The following EFL1 variants were observed in gnomAD, a reference collection of about 807,000 sequenced individuals.
EFL1 encodes elongation factor-like GTPase 1.
EFL1 carries 76 observed loss-of-function variants against 126.7 expected under a neutral mutation model. The observed-to-expected ratio is 0.60, with a 90% CI of 0.50 to 0.73. The LOEUF is 0.73. Among genes scored for constraint, EFL1 ranks in the 30% least tolerant of loss-of-function variants. EFL1 has a pLI of 0.00. For missense variants in EFL1, 1,128 were observed against 1,343.2 expected (o/e 0.84, Z 2.50); for synonymous variants, 410 against 448.4 (o/e 0.91, Z 1.08).
At chr15:82,246,877 G>A (rs560633551) in intron 4 of EFL1, among the ~76,000 whole-genome samples, 43 of 152,250 alleles carry the variant, frequency 2.8e-4, no homozygotes, top group Non-Finnish European at 5.9e-4. Flanking sequence ...TGGGAAGAAT[G>A]AGCAAGACCT....
At chr15:82,257,277 T>C (rs1278196359) in intron 3 of EFL1, among the ~76,000 whole-genome samples, 1 of 152,230 alleles carries the variant, frequency 6.6e-6, no homozygotes, top group African/African-American at 2.4e-5. Context: ...TATTACCTTA[T>C]TAACTTCTGC....
intron 15 of EFL1, among the ~76,000 whole-genome samples, chr15:82,176,196 G>A (rs1235096268): frequency 1.3e-5 from 2 of 151,922 alleles, no homozygotes; most frequent in African/African-American, 2.4e-5. Context: ...AATGTCAGAC[G>A]GATTGCAGAT....
chr15:82,140,598 A>G (rs1247596164), intron 18 of EFL1, among the ~76,000 whole-genome samples: 1 of 151,778 alleles, frequency 6.6e-6, no homozygotes, highest in African/African-American at 2.4e-5. Flanking sequence ...TATGCTTGGG[A>G]CTCCTAAGGC....
chr15:82,221,265 A>C (rs2074709365), intron 12 of EFL1, among the ~76,000 whole-genome samples: 2 of 151,982 alleles, frequency 1.3e-5, no homozygotes, highest in African/African-American at 4.8e-5. Context: ...CAGACTTCAC[A>C]CCTAACTGAT....
intron 1 of EFL1, chr15:82,262,238 C>T (rs2075131636): frequency 6.4e-6 from 1 of 156,778 alleles, no homozygotes; most frequent in African/African-American, 2.4e-5. Flanking sequence ...TCTCGCTCGT[C>T]CTCGCGCGAG....
At chr15:82,227,365 T>C in intron 11 of EFL1, 85 bp downstream of exon 11, 2 of 1,598,676 alleles carry the variant, frequency 1.3e-6, no homozygotes, top group South Asian at 2.2e-5. Context: ...TTTAGCAAAC[T>C]AGCGTTCAGC....
intron 14 of EFL1, among the ~76,000 whole-genome samples, chr15:82,218,822 A>C (rs1483494264): frequency 1.3e-5 from 2 of 152,200 alleles, no homozygotes; most frequent in African/African-American, 2.4e-5. Flanking sequence ...TGGAATAAGC[A>C]TTCAAGGCAA....
At chr15:82,135,060 A>G (rs1007762504) in intron 19 of EFL1, among the ~76,000 whole-genome samples, 3 of 152,176 alleles carry the variant, frequency 2.0e-5, no homozygotes, top group Admixed American at 2.0e-4. Flanking sequence ...CAGATCAATG[A>G]CATTTAATTA....
intron 19 of EFL1, 151 bp from the exon 20 acceptor site, chr15:82,130,712 G>C: frequency 1.2e-6 from 1 of 853,322 alleles, no homozygotes; most frequent in Non-Finnish European, 1.8e-6. Flanking sequence ...TAAGTATGAA[G>C]AATCGGCAGG....
chr15:82,139,051 A>T (rs149913378), intron 18 of EFL1, among the ~76,000 whole-genome samples: 17 of 152,364 alleles, frequency 1.1e-4, no homozygotes. Context: ...AATAACAAAA[A>T]GTTAAATCAC....
chr15:82,246,235 G>C (rs2074971828), intron 4 of EFL1, among the ~76,000 whole-genome samples: 1 of 152,122 alleles, frequency 6.6e-6, no homozygotes, highest in Admixed American at 6.5e-5. Context: ...CTGCTGCGTA[G>C]ATAGTAAATC....
intron 18 of EFL1, among the ~76,000 whole-genome samples, chr15:82,143,972 A>C (rs1220267623): frequency 1.3e-5 from 2 of 152,182 alleles, no homozygotes; most frequent in African/African-American, 4.8e-5. Flanking sequence ...CTGGGACTAT[A>C]GGCATACGCT....
At chr15:82,135,303 TC>T (rs973953184) in intron 19 of EFL1, among the ~76,000 whole-genome samples, 2 of 151,924 alleles carry the variant, frequency 1.3e-5, no homozygotes, top group East Asian at 1.9e-4. Flanking sequence ...TTTAAGATTT[TC>T]TTTTTAAATT....
At chr15:82,251,539 A>C (rs995437450) in intron 4 of EFL1, among the ~76,000 whole-genome samples, 1 of 152,236 alleles carries the variant, frequency 6.6e-6, no homozygotes, top group Non-Finnish European at 1.5e-5. Context: ...GCAGCCTTCA[A>C]ATCTCTTGAA....
intron 19 of EFL1, among the ~76,000 whole-genome samples, chr15:82,137,566 G>A (rs1428844537): frequency 6.6e-6 from 1 of 152,154 alleles, no homozygotes; most frequent in Non-Finnish European, 1.5e-5. Context: ...AACTCAGGGA[G>A]GGTCCATGAT....
At chr15:82,217,857 G>A (rs1407670643) in intron 14 of EFL1, among the ~76,000 whole-genome samples, 1 of 152,166 alleles carries the variant, frequency 6.6e-6, no homozygotes. Context: ...GTCTTGCTAG[G>A]AGATTCCTTC....
chr15:82,165,716 C>T (rs1337608325), intron 15 of EFL1, among the ~76,000 whole-genome samples: 2 of 152,204 alleles, frequency 1.3e-5, no homozygotes, highest in Non-Finnish European at 2.9e-5. Context: ...GTGCTTCTTT[C>T]ACTTTCACCA....
chr15:82,222,202 TA>T (rs889103826), intron 12 of EFL1, among the ~76,000 whole-genome samples: 4 of 152,336 alleles, frequency 2.6e-5, no homozygotes, highest in Admixed American at 1.3e-4. Context: ...TTATAGCACA[TA>T]ATTTATCACA....
intron 15 of EFL1, among the ~76,000 whole-genome samples, chr15:82,194,983 T>C (rs1349131542): frequency 2.0e-5 from 3 of 152,212 alleles, no homozygotes; most frequent in African/African-American, 7.2e-5. Flanking sequence ...CTTGTGACCT[T>C]GGGAAATAAT....
Sources: allele counts gnomAD v4.1 joint callset (sites outside exome capture counted in the v4.1 genomes callset), GRCh38; gene constraint gnomAD v4.1.1; transcripts MANE v1.5; gene names NCBI Gene and HGNC (gene_info 2026-07-23, HGNC 2026-07-21).